TMEM164: variants seen among roughly 807,000 people sequenced by gnomAD.
TMEM164 encodes RP13-360B22.2.
Under a neutral mutation model 18.8 loss-of-function variants are expected in TMEM164, and 4 were observed. The ratio of observed to expected loss-of-function variants is 0.21; its 90% CI spans 0.10 to 0.49. The LOEUF (loss-of-function observed/expected upper bound fraction) is 0.49. TMEM164 is among the 20% of genes least tolerant of loss of function. The pLI is 0.98. For missense variants in TMEM164, 108 were observed against 239.9 expected (o/e 0.45, Z 3.63); for synonymous variants, 86 against 101.7 (o/e 0.85, Z 0.93).
At chrX:110,022,377 T>C (rs1933934563) in intron 2 of TMEM164, among the ~76,000 whole-genome samples, 1 of 111,358 alleles carries the variant, frequency 9.0e-6, no homozygotes, top group Admixed American at 9.5e-5. Flanking sequence ...GTAACTACCT[T>C]TATTGGGCCT....
chrX:110,008,872 A>C (rs1345474740), intron 2 of TMEM164, among the ~76,000 whole-genome samples: 1 of 112,084 alleles, frequency 8.9e-6, no homozygotes, highest in African/African-American at 3.2e-5. Flanking sequence ...AAGATGGCAG[A>C]TGACCAATAC....
At chrX:110,019,720 T>C (rs757916435) in intron 2 of TMEM164, among the ~76,000 whole-genome samples, 1 of 112,283 alleles carries the variant, frequency 8.9e-6, no homozygotes, top group Non-Finnish European at 1.9e-5. Flanking sequence ...CTGTTTAGCA[T>C]AGCATTCTAG....
At chrX:110,127,251 G>A (rs2066546153) in intron 4 of TMEM164, among the ~76,000 whole-genome samples, 1 of 111,642 alleles carries the variant, frequency 9.0e-6, no homozygotes, top group Non-Finnish European at 1.9e-5. Context: ...GGTGGCTCAT[G>A]CCTGTAATCC....
chrX:110,033,877 G>A (rs1418358183), intron 2 of TMEM164, among the ~76,000 whole-genome samples: 2 of 111,865 alleles, frequency 1.8e-5, no homozygotes, highest in East Asian at 5.6e-4. Context: ...GGAAAATGGA[G>A]GACTGACTCC....
chrX:110,084,379 T>TA (rs1228632082), intron 3 of TMEM164, among the ~76,000 whole-genome samples: 1 of 35,649 alleles, frequency 2.8e-5, no homozygotes, highest in African/African-American at 1.7e-4. Context: ...ATATATATAG[T>TA]GTATATATAT....
intron 4 of TMEM164, among the ~76,000 whole-genome samples, chrX:110,127,516 A>G (rs763156018): frequency 9.0e-5 from 10 of 111,363 alleles, no homozygotes; most frequent in Non-Finnish European, 1.7e-4. Context: ...TCCGTCTCAA[A>G]CAAAACAAAA....
chrX:110,004,897 C>A (rs939818973), intron 2 of TMEM164, among the ~76,000 whole-genome samples: 10 of 112,412 alleles, frequency 8.9e-5, no homozygotes, highest in African/African-American at 2.9e-4. Context: ...AAGCTGATTT[C>A]TTTACCTCAT....
intron 4 of TMEM164, among the ~76,000 whole-genome samples, chrX:110,143,793 G>A (rs1342811892): frequency 3.7e-5 from 4 of 108,666 alleles, no homozygotes; most frequent in African/African-American, 1.4e-4. Flanking sequence ...GTCTGTCCTG[G>A]CATACTTTGG....
chrX:110,125,389 G>A (rs1032005771), intron 4 of TMEM164, among the ~76,000 whole-genome samples: 15 of 112,013 alleles, frequency 1.3e-4, no homozygotes, highest in Admixed American at 2.8e-4. Context: ...AGAGAGCACC[G>A]GTATGAACTG....
In TMEM164 at chrX:110,003,543, C is replaced by A. The variant is rs1004865446; in HGVS notation, c.-232C>A. 1 of 343,524 alleles carries A rather than the reference C, an allele frequency of 2.9e-6. No individual in the cohort carries two copies. The highest frequency in any genetic ancestry group is 5.4e-5 in the Admixed American group (1 of 18,486). The allele number at this position is 343,524 out of a possible 1,213,427, so 28.3% of individuals were successfully genotyped here. ...TTCAACCCTGCCTCGTTGGTGGCCA[C>A]TGGAGAAGCGCGGGGGGCTCCCCCA... On this transcript the variant is annotated 5_prime_UTR_variant, in exon 2 of 7. The change creates a new upstream start codon in the 5' untranslated region. Coordinates refer to ENST00000372068, the MANE Select transcript of TMEM164 (RefSeq NM_032227.4).
chrX:110,100,193 C>G (rs990928690), intron 3 of TMEM164, among the ~76,000 whole-genome samples: 1 of 110,769 alleles, frequency 9.0e-6, no homozygotes, highest in African/African-American at 3.3e-5. Context: ...CTGATTTCCT[C>G]GCTAAAGTTG....
chrX:110,100,273 G>C (rs2066089189), intron 3 of TMEM164, among the ~76,000 whole-genome samples: 1 of 110,761 alleles, frequency 9.0e-6, no homozygotes, highest in Non-Finnish European at 1.9e-5. Flanking sequence ...GGAGCATTTA[G>C]TCTTTCACCA....
chrX:110,107,839 T>C (rs1485885532), intron 3 of TMEM164, among the ~76,000 whole-genome samples: 1 of 110,131 alleles, frequency 9.1e-6, no homozygotes, highest in Non-Finnish European at 1.9e-5. Context: ...TTTGTATTTT[T>C]AGTAGAGACG....
intron 3 of TMEM164, among the ~76,000 whole-genome samples, chrX:110,089,776 TAA>T (rs765920164): frequency 3.3e-4 from 37 of 112,127 alleles, no homozygotes; most frequent in Non-Finnish European, 5.4e-4. Flanking sequence ...GAGCATAGAT[TAA>T]AGTCTTAGCT....
intron 4 of TMEM164, among the ~76,000 whole-genome samples, chrX:110,117,188 G>T (rs1036018228): frequency 1.8e-5 from 2 of 111,076 alleles, no homozygotes. Flanking sequence ...TGTACAGGGG[G>T]GCACACAGGA....
chrX:110,147,161 C>G (rs1335620327), intron 5 of TMEM164, among the ~76,000 whole-genome samples: 1 of 111,940 alleles, frequency 8.9e-6, no homozygotes, highest in Non-Finnish European at 1.9e-5. Context: ...CATGGGACCT[C>G]TCTCATCCAC....
At chrX:110,100,330 C>T (rs765124739) in intron 3 of TMEM164, among the ~76,000 whole-genome samples, 2 of 110,556 alleles carry the variant, frequency 1.8e-5, no homozygotes, top group East Asian at 5.7e-4. Flanking sequence ...CTTTATCAGG[C>T]TGAGGAAGTT....
chrX:110,137,587 A>G (rs1235803491), intron 4 of TMEM164, among the ~76,000 whole-genome samples: 1 of 112,051 alleles, frequency 8.9e-6, no homozygotes, highest in Non-Finnish European at 1.9e-5. Context: ...GGAGCTCTGC[A>G]AAACTACATA....
intron 3 of TMEM164, among the ~76,000 whole-genome samples, chrX:110,091,985 T>A (rs775936033): frequency 8.9e-6 from 1 of 112,132 alleles, no homozygotes; most frequent in East Asian, 2.8e-4. Flanking sequence ...CCATTTCTTG[T>A]TTTTGTCAGG....
Sources: allele counts gnomAD v4.1 joint callset (sites outside exome capture counted in the v4.1 genomes callset), GRCh38; gene constraint gnomAD v4.1.1; transcripts MANE v1.5; gene names NCBI Gene and HGNC (gene_info 2026-07-23, HGNC 2026-07-21).